The following EML1 variants were observed in gnomAD, a reference collection of about 807,000 sequenced individuals.
EML1 encodes the protein EMAP like 1, also known as echinoderm microtubule-associated protein-like 1.
EML1 carries 27 observed loss-of-function variants against 110.4 expected under a neutral mutation model. The ratio of observed to expected loss-of-function variants is 0.24; its 90% CI spans 0.18 to 0.34. The LOEUF (loss-of-function observed/expected upper bound fraction) is 0.34, where lower values mean the gene tolerates loss of function less well. Ranked by LOEUF, EML1 falls within the 10% of genes least tolerant of loss-of-function variation. The pLI is 1.00. For synonymous variants in EML1, 344 were observed against 385.8 expected, an observed-to-expected ratio of 0.89 and a Z score of 1.27; for missense variants, 741 against 1,030.9, an observed-to-expected ratio of 0.72 and a Z score of 3.85.
chr14:99,840,236 A>G (rs2058611962), intron 1 of EML1, among the ~76,000 whole-genome samples: 1 of 152,242 alleles, frequency 6.6e-6, no homozygotes, highest in Non-Finnish European at 1.5e-5. Flanking sequence ...TTTTTTCTAA[A>G]TAGCATTTGT....
chr14:99,918,141 T>A (rs2140074729), intron 16 of EML1, among the ~76,000 whole-genome samples: 1 of 152,338 alleles, frequency 6.6e-6, no homozygotes, highest in African/African-American at 2.4e-5. Context: ...TCTCTCCTTG[T>A]CACCCAGACT....
At chr14:99,912,263 G>A (rs975468306) in intron 13 of EML1, among the ~76,000 whole-genome samples, 3 of 152,034 alleles carry the variant, frequency 2.0e-5, no homozygotes, top group South Asian at 2.1e-4. Flanking sequence ...TATCTACTTC[G>A]TACATGGCCC....
chr14:99,892,018 C>T (rs2059595972), intron 5 of EML1: 2 of 389,254 alleles, frequency 5.1e-6, no homozygotes, highest in Non-Finnish European at 7.0e-6. Context: ...ATCCCTGAAC[C>T]GTGTCCAGAT....
At chr14:99,756,876 C>T (rs80281467) in intron 1 of EML1, among the ~76,000 whole-genome samples, 3,910 of 152,206 alleles carry the variant, frequency 0.026, 120 homozygotes, top group East Asian at 0.083. Context: ...CATCCGCACG[C>T]GGCCCGCACT....
In EML1 at chr14:99,878,633, A is replaced by C. The variant is rs117862534; in HGVS notation, c.518+14A>C. 3.1e-6 allele frequency: 5 copies of C among 1,611,018 alleles called. No homozygotes were observed. Among genetic ancestry groups the C allele is most frequent in the African/African-American group, 1.3e-5 (1 of 74,772 alleles). Reference sequence around the variant, plus strand: ...GAACAGTGAAAGGTAAGGACGTCTTATCTCTCAGTTCCTGCTGTTCAGATA... The same window carrying C: ...GAACAGTGAAAGGTAAGGACGTCTTCTCTCTCAGTTCCTGCTGTTCAGATA... On this transcript the variant is annotated intron_variant, in intron 4 of 21. Coordinates refer to ENST00000262233, the MANE Select transcript of EML1 (RefSeq NM_004434.3).
At chr14:99,816,806 C>CCTA (rs1362996817) in intron 1 of EML1, among the ~76,000 whole-genome samples, 1 of 152,248 alleles carries the variant, frequency 6.6e-6, no homozygotes, top group Non-Finnish European at 1.5e-5. Flanking sequence ...CTGACATCTT[C>CCTA]CTACTCCATG....
intron 3 of EML1, among the ~76,000 whole-genome samples, chr14:99,870,814 A>G (rs377692387): frequency 4.7e-4 from 72 of 152,274 alleles, no homozygotes; most frequent in African/African-American, 1.6e-3. Flanking sequence ...CTTTCCAAAT[A>G]TTACCATTCA....
At chr14:99,778,163 A>G (rs1595268959) in intron 1 of EML1, among the ~76,000 whole-genome samples, 2 of 152,156 alleles carry the variant, frequency 1.3e-5, no homozygotes, top group East Asian at 3.9e-4. Flanking sequence ...TTTAGTTCTC[A>G]CTCACATTGC....
intron 15 of EML1, 88 bp downstream of exon 15, chr14:99,914,785 A>G: frequency 1.3e-6 from 2 of 1,481,922 alleles, no homozygotes; most frequent in South Asian, 1.3e-5. Context: ...CAACAGTGAT[A>G]CAAAGTTGTC....
intron 1 of EML1, among the ~76,000 whole-genome samples, chr14:99,847,957 TC>T (rs2058732414): frequency 6.6e-6 from 1 of 152,208 alleles, no homozygotes; most frequent in African/African-American, 2.4e-5. Flanking sequence ...AAAAAATTAT[TC>T]TGCCATCCTC....
chr14:99,758,727 G>A (rs954891283), intron 1 of EML1, among the ~76,000 whole-genome samples: 58 of 152,094 alleles, frequency 3.8e-4, no homozygotes, highest in African/African-American at 1.3e-3. Context: ...TCCATACGGA[G>A]GCTTCTGGGG....
intron 1 of EML1, among the ~76,000 whole-genome samples, chr14:99,740,555 C>T (rs1231135884): frequency 1.3e-5 from 2 of 152,202 alleles, no homozygotes; most frequent in Non-Finnish European, 2.9e-5. Context: ...ATTTATGGCC[C>T]TGTGCCTGGG....
chr14:99,776,774 T>C (rs2057487486), intron 1 of EML1, among the ~76,000 whole-genome samples: 1 of 152,238 alleles, frequency 6.6e-6, no homozygotes, highest in Non-Finnish European at 1.5e-5. Flanking sequence ...TTCAGCTACC[T>C]TTCCTACAGC....
intron 2 of EML1, among the ~76,000 whole-genome samples, chr14:99,851,642 G>A (rs962580306): frequency 6.6e-6 from 1 of 152,200 alleles, no homozygotes; most frequent in African/African-American, 2.4e-5. Flanking sequence ...CTGGGATGGA[G>A]AGAGCTTGCA....
rs545373901 is a variant in EML1 at position 99,842,348 on chromosome 14, A to G, written c.68-8505A>G. On this transcript the variant is annotated intron_variant, in intron 1 of 21. Transcript: ENST00000262233. ...TGAAGTGTAAAGTCATTTGAACAACACTGGTCTTTTCTGTACACAAGAAGG... is the reference window on the plus strand; with the variant it reads ...TGAAGTGTAAAGTCATTTGAACAACGCTGGTCTTTTCTGTACACAAGAAGG... 2.0e-4 allele frequency among the ~76,000 whole-genome samples: 31 copies of G among 152,346 alleles called. 1 individual carries two copies. In the East Asian group the frequency reaches 2.9e-3, roughly 14 times the overall value.
chr14:99,875,910 C>T (rs1487935007), intron 3 of EML1, among the ~76,000 whole-genome samples: 2 of 152,224 alleles, frequency 1.3e-5, no homozygotes, highest in Non-Finnish European at 2.9e-5. Flanking sequence ...AAGGCACACC[C>T]TGCAGATTGC....
At chr14:99,812,784 AC>A (rs2058103956) in intron 1 of EML1, among the ~76,000 whole-genome samples, 1 of 152,190 alleles carries the variant, frequency 6.6e-6, no homozygotes, top group South Asian at 2.1e-4. Flanking sequence ...GTTCCCAGTG[AC>A]TAGTATCTCA....
intron 11 of EML1, among the ~76,000 whole-genome samples, chr14:99,909,800 C>T (rs951408071): frequency 3.9e-5 from 6 of 152,122 alleles, no homozygotes; most frequent in African/African-American, 1.4e-4. Flanking sequence ...ACTCCCTGTG[C>T]CTTTTGTCTG....
At chr14:99,826,916 G>T (rs1311658430) in intron 1 of EML1, among the ~76,000 whole-genome samples, 1 of 152,176 alleles carries the variant, frequency 6.6e-6, no homozygotes, top group African/African-American at 2.4e-5. Flanking sequence ...GACAGAGCAG[G>T]ATGGAGCTCA....
Sources: allele counts gnomAD v4.1 joint callset (sites outside exome capture counted in the v4.1 genomes callset), GRCh38; gene constraint gnomAD v4.1.1; transcripts MANE v1.5; gene names NCBI Gene and HGNC (gene_info 2026-07-23, HGNC 2026-07-21).